The following VAV2 variants were observed in gnomAD, a reference collection of about 807,000 sequenced individuals.
VAV2 encodes vav guanine nucleotide exchange factor 2.
Under a neutral mutation model 132.5 loss-of-function variants are expected in VAV2, and 67 were observed. That is an observed-to-expected ratio of 0.51 (90% CI 0.42 to 0.62). The LOEUF is 0.62. VAV2 is among the 20% of genes least tolerant of loss of function. The pLI, the probability that VAV2 is intolerant of heterozygous loss-of-function variation, is 0.00. For missense variants in VAV2, 938 were observed against 1,153.6 expected, an observed-to-expected ratio of 0.81 and a Z score of 2.71; for synonymous variants, 492 against 443.5, an observed-to-expected ratio of 1.11 and a Z score of -1.37.
chr9:133,824,086 G>T lies in VAV2; in HGVS notation c.449+10186C>A, dbSNP rs928627107. On this transcript the variant is annotated intron_variant, in intron 4 of 29. Coordinates refer to ENST00000371850, the MANE Select transcript of VAV2 (RefSeq NM_001134398.2). The surrounding 1 kb of genome is among the most constrained non-coding windows in gnomAD (Gnocchi z 5.2). Reference sequence around the variant, plus strand: ...CCACTGTGGTGCCAGAGTACCAAGGGGCCCACAAGATGTCCGAGGGGGGCA... The same window carrying T: ...CCACTGTGGTGCCAGAGTACCAAGGTGCCCACAAGATGTCCGAGGGGGGCA... 3.3e-5 allele frequency among the ~76,000 whole-genome samples: 5 copies of T among 152,156 alleles called. No individual in the cohort carries two copies. Among genetic ancestry groups the T allele is most frequent in the Non-Finnish European group, 5.9e-5 (4 of 68,030 alleles).
intron 2 of VAV2, among the ~76,000 whole-genome samples, chr9:133,897,779 A>G (rs563026873): frequency 8.5e-5 from 13 of 152,174 alleles, no homozygotes; most frequent in Admixed American, 4.6e-4. Flanking sequence ...GATGCCTGAA[A>G]TGTCTGTATT....
At chr9:133,850,395 A>G (rs1837119361) in intron 3 of VAV2, among the ~76,000 whole-genome samples, 1 of 152,140 alleles carries the variant, frequency 6.6e-6, no homozygotes, top group African/African-American at 2.4e-5. Flanking sequence ...GGCACATCCC[A>G]AGGCTGGCCA....
In VAV2 at chr9:133,863,796, G is replaced by A. The variant is rs571742433; in HGVS notation, c.322-2364C>T. 1.3e-5 allele frequency among the ~76,000 whole-genome samples: 2 copies of A among 152,340 alleles called. No individual in the cohort carries two copies. The highest frequency in any genetic ancestry group is 4.1e-4 in the South Asian group (2 of 4,828). Reference sequence around the variant, plus strand: ...GTCCACCACGGGGAACCACACTCCAGTGACCCAAAACCCAGGGCAGGGGCT... The same window carrying A: ...GTCCACCACGGGGAACCACACTCCAATGACCCAAAACCCAGGGCAGGGGCT... On this transcript the variant is annotated intron_variant, in intron 2 of 29. Transcript: ENST00000371850. This position sits in a 1 kb window ranked among gnomAD's most constrained non-coding sequence, Gnocchi z 5.0.
chr9:133,929,884 A>G (rs1247063722), intron 2 of VAV2, among the ~76,000 whole-genome samples: 2 of 152,222 alleles, frequency 1.3e-5, no homozygotes, highest in African/African-American at 4.8e-5. Context: ...TGACGGATCA[A>G]TGGTTTCCAA....
intron 1 of VAV2, among the ~76,000 whole-genome samples, chr9:133,985,683 C>A (rs1488982158): frequency 6.6e-6 from 1 of 152,132 alleles, no homozygotes; most frequent in African/African-American, 2.4e-5. Flanking sequence ...GCAAGGTAAG[C>A]CTGGAACATC....
Position 133,885,883 on chromosome 9 carries a change from GGTGTTCCTGA to G in VAV2, c.322-24461_322-24452del, listed in dbSNP as rs560342931. On this transcript the variant is annotated intron_variant, in intron 2 of 29. Transcript: ENST00000371850. The surrounding 1 kb of genome is among the most constrained non-coding windows in gnomAD (Gnocchi z 5.0). ...GGCCCATTGGTGACAACCAAACTCA[GGTGTTCCTGA>G]GTGTTCCTGAGAACCAGAGTTCTCA... Among the ~76,000 whole-genome samples, 187 of 152,324 alleles carry G rather than the reference GGTGTTCCTGA, an allele frequency of 1.2e-3. No homozygotes were observed. Among genetic ancestry groups the G allele is most frequent in the African/African-American group, 4.0e-3 (168 of 41,584 alleles).
At chr9:133,797,849 A>C (rs774725869) in intron 9 of VAV2, 40 bp from the exon 10 acceptor site, 1 of 1,597,552 alleles carries the variant, frequency 6.3e-7, no homozygotes, top group East Asian at 2.2e-5. Context: ...ACACAGATTT[A>C]ATGAGCAGCT....
At chr9:133,852,798 G>A (rs1837236746) in intron 3 of VAV2, among the ~76,000 whole-genome samples, 2 of 152,132 alleles carry the variant, frequency 1.3e-5, no homozygotes, top group African/African-American at 4.8e-5. Flanking sequence ...CCGCAAAGAG[G>A]ACACACCAGT....
rs111473096 is a variant in VAV2, at chr9:133,824,581, C to T, written c.449+9691G>A. On this transcript the variant is annotated intron_variant, in intron 4 of 29. Coordinates refer to ENST00000371850, the MANE Select transcript of VAV2 (RefSeq NM_001134398.2). The surrounding 1 kb of genome is among the most constrained non-coding windows in gnomAD (Gnocchi z 5.2). ...ACACCTCCTCCAGGAAGGCTTCCTG[C>T]CCTCCTGGCTTGTCAGGGTCTGCCC... is the stretch of plus-strand genomic sequence containing the variant. Among the ~76,000 whole-genome samples the T allele has an allele frequency of 3.1e-3, 478 of 152,296 alleles. 3 individuals are homozygous for T. The highest frequency in any genetic ancestry group is 0.011 in the African/African-American group (458 of 41,562).
chr9:133,869,005 T>TG (rs1401608215), intron 2 of VAV2, among the ~76,000 whole-genome samples: 4 of 151,782 alleles, frequency 2.6e-5, no homozygotes, highest in Non-Finnish European at 5.9e-5. Context: ...ATTCTTTTTT[T>TG]TTTTTTTTGA....
At chr9:133,888,108 C>T (rs554239043) in intron 2 of VAV2, among the ~76,000 whole-genome samples, 6 of 152,262 alleles carry the variant, frequency 3.9e-5, no homozygotes, top group African/African-American at 1.4e-4. Context: ...CCACGGGACT[C>T]CCTACAGGAG....
rs567284717 is a variant in VAV2 at position 133,871,330 on chromosome 9, GATGA to G, written c.322-9902_322-9899del. ...TGGATGGATGAATTGGGGGTGGATGGATGAATGGAGGGGCGGATGGACAGATGGT... is the reference window on the plus strand; with the variant it reads ...TGGATGGATGAATTGGGGGTGGATGGATGGAGGGGCGGATGGACAGATGGT... On this transcript the variant is annotated intron_variant, in intron 2 of 29. Transcript: ENST00000371850. 7.6e-4 allele frequency among the ~76,000 whole-genome samples: 115 copies of G among 151,210 alleles called. 1 individual carries two copies. Among genetic ancestry groups the G allele is most frequent in the East Asian group, 2.8e-3 (14 of 5,080 alleles).
rs944375370 is a variant in VAV2, at chr9:133,763,368, AT to A, written c.*693del. 6.6e-6 allele frequency: 1 copy of A among 152,196 alleles called. No individual in the cohort carries two copies. Among genetic ancestry groups the A allele is most frequent in the Non-Finnish European group, 1.5e-5 (1 of 68,048 alleles). 9.4% of individuals were successfully genotyped at this position (152,196 alleles called of 1,614,324 possible). On this transcript the variant is annotated 3_prime_UTR_variant, in exon 30 of 30. Transcript: ENST00000371850. This position sits in a 1 kb window ranked among gnomAD's most constrained non-coding sequence, Gnocchi z 6.8. ...CGGGCAGCAGGGTTGGAATTTCATC[AT>A]TCCAAAGGCCCCTCCCAAGAGAGGG...
chr9:133,902,935 T>C (rs1839498807), intron 2 of VAV2, among the ~76,000 whole-genome samples: 1 of 151,668 alleles, frequency 6.6e-6, no homozygotes, highest in Admixed American at 6.6e-5. Flanking sequence ...ATTAGCTGGG[T>C]GTGGTGATGC....
rs1035068409 is a variant in VAV2, at chr9:133,840,710, G to A, written c.381-6370C>T. Among the ~76,000 whole-genome samples, 2 of 152,216 alleles carry A rather than the reference G, an allele frequency of 1.3e-5. No individual in the cohort carries two copies. The highest frequency in any genetic ancestry group is 2.4e-5 in the African/African-American group (1 of 41,448). On this transcript the variant is annotated intron_variant, in intron 3 of 29. Coordinates refer to ENST00000371850, the MANE Select transcript of VAV2 (RefSeq NM_001134398.2). The surrounding 1 kb of genome is among the most constrained non-coding windows in gnomAD (Gnocchi z 4.5). ...GCACCTGCGTGGGGCTGGCATGGGCGGCCATTTGTCACTGATTCAGGGAGA... is the reference window on the plus strand; with the variant it reads ...GCACCTGCGTGGGGCTGGCATGGGCAGCCATTTGTCACTGATTCAGGGAGA...
intron 2 of VAV2, among the ~76,000 whole-genome samples, chr9:133,892,536 T>C (rs918556529): frequency 3.3e-5 from 5 of 152,040 alleles, no homozygotes; most frequent in African/African-American, 1.2e-4. Context: ...AAAATCAATC[T>C]GCATCAATCC....
At chr9:133,952,011 G>C (rs1287676752) in intron 1 of VAV2, among the ~76,000 whole-genome samples, 1 of 152,092 alleles carries the variant, frequency 6.6e-6, no homozygotes, top group South Asian at 2.1e-4. Context: ...CATCCACAGA[G>C]AGTAGAGAGA....
intron 2 of VAV2, among the ~76,000 whole-genome samples, chr9:133,869,157 C>G (rs561425709): frequency 1.3e-5 from 2 of 152,272 alleles, no homozygotes; most frequent in South Asian, 2.1e-4. Context: ...GTTACCACAC[C>G]TGGCTAATCT....
chr9:133,861,582 T>C (rs1837599068), intron 2 of VAV2, 150 bp from the exon 3 acceptor site: 2 of 830,470 alleles, frequency 2.4e-6, no homozygotes, highest in Non-Finnish European at 1.8e-6. Context: ...TTTTGTAGGC[T>C]AGACACTTGT....
Sources: gnomAD v4.1 joint callset for allele counts (sites outside exome capture counted in the v4.1 genomes callset) on GRCh38, gnomAD v4.1.1 for gene constraint, Gnocchi (gnomAD v3.1) non-coding constraint, MANE v1.5 for transcripts, NCBI Gene and HGNC (gene_info 2026-07-23, HGNC 2026-07-21) for gene names.